Variants in PARD3B observed in about 807,000 individuals in gnomAD.
The protein encoded by PARD3B is partitioning defective 3 homolog B.
In PARD3B, 103 loss-of-function variants were observed where a neutral mutation model predicts 130.2. That is an observed-to-expected ratio of 0.79 (90% CI 0.67 to 0.93). The LOEUF is 0.93. Ranked by LOEUF, PARD3B falls within the 40% of genes least tolerant of loss-of-function variation. The pLI, the probability that PARD3B is intolerant of heterozygous loss-of-function variation, is 0.00. For missense variants in PARD3B, 1,609 were observed against 1,499.2 expected, an observed-to-expected ratio of 1.07 and a Z score of -1.21; for synonymous variants, 583 against 553.2, an observed-to-expected ratio of 1.05 and a Z score of -0.76.
At chr2:205,312,508 T>C (rs2042424920) in intron 18 of PARD3B, among the ~76,000 whole-genome samples, 1 of 151,980 alleles carries the variant, frequency 6.6e-6, no homozygotes, top group Admixed American at 6.5e-5. Context: ...TGGCAAAAAA[T>C]AGAAATTTGC....
intron 15 of PARD3B, among the ~76,000 whole-genome samples, chr2:205,218,065 G>C (rs930739050): frequency 6.6e-6 from 1 of 151,128 alleles, no homozygotes; most frequent in Admixed American, 6.6e-5. Flanking sequence ...GCTAATTTTT[G>C]TATTTTTAAT....
chr2:205,548,768 G>A (rs926073102), intron 21 of PARD3B, among the ~76,000 whole-genome samples: 7 of 152,120 alleles, frequency 4.6e-5, no homozygotes, highest in East Asian at 1.9e-4. Flanking sequence ...AAATTAATAC[G>A]TTGAACTTTA....
chr2:204,923,207 T>G (rs1478857222), intron 2 of PARD3B, among the ~76,000 whole-genome samples: 1 of 152,108 alleles, frequency 6.6e-6, no homozygotes, highest in African/African-American at 2.4e-5. Flanking sequence ...AGTAGCCAGT[T>G]AAGTGAAAAA....
At position 205,181,336 on chromosome 2, in the gene PARD3B, T is replaced by G. The variant is rs1471394617; in HGVS notation, c.1925-4428T>G. Among the ~76,000 whole-genome samples, 3 of 152,234 alleles carry G rather than the reference T, an allele frequency of 2.0e-5. No homozygotes were observed. The East Asian group carries it at 5.8e-4, about 29-fold the overall frequency. ...CTGGAATGACTATCCAAGATTGAATTATACGTTTCAATTTGGCTAATGTTT... is the reference window on the plus strand; with the variant it reads ...CTGGAATGACTATCCAAGATTGAATGATACGTTTCAATTTGGCTAATGTTT... On this transcript the variant is annotated intron_variant, in intron 13 of 22. Transcript: ENST00000406610.
chr2:205,478,555 T>C (rs1310229634), intron 20 of PARD3B, among the ~76,000 whole-genome samples: 1 of 152,182 alleles, frequency 6.6e-6, no homozygotes, highest in East Asian at 1.9e-4. Flanking sequence ...TTTTACCGTA[T>C]GTGGAATGTA....
chr2:205,211,116 A>G (rs1480922843), intron 15 of PARD3B, among the ~76,000 whole-genome samples: 2 of 152,108 alleles, frequency 1.3e-5, no homozygotes, highest in African/African-American at 4.8e-5. Flanking sequence ...GGTCAAGTCA[A>G]TTAATCTTTC....
intron 3 of PARD3B, among the ~76,000 whole-genome samples, chr2:205,000,568 C>T (rs145637042): frequency 0.011 from 1,657 of 152,262 alleles, 25 homozygotes; most frequent in East Asian, 0.048. Flanking sequence ...AATATCCAAA[C>T]GTCTACTCAA....
intron 15 of PARD3B, among the ~76,000 whole-genome samples, chr2:205,208,802 A>G (rs895725078): frequency 9.0e-5 from 13 of 144,978 alleles, no homozygotes; most frequent in Non-Finnish European, 2.0e-4. Context: ...GCCCAGGGTA[A>G]TTTACAGATT....
intron 1 of PARD3B, among the ~76,000 whole-genome samples, chr2:204,608,338 T>G (rs2033802233): frequency 6.6e-6 from 1 of 152,308 alleles, no homozygotes; most frequent in Admixed American, 6.5e-5. Flanking sequence ...CCTCCAAAAC[T>G]TTCACTCTGG....
intron 3 of PARD3B, among the ~76,000 whole-genome samples, chr2:205,034,023 T>C (rs13010287): frequency 0.035 from 5,289 of 152,284 alleles, 154 homozygotes; most frequent in Admixed American, 0.07. Context: ...GTGTTTATTT[T>C]AAAATAAATG....
intron 21 of PARD3B, among the ~76,000 whole-genome samples, chr2:205,531,729 G>A (rs539830132): frequency 1.1e-4 from 16 of 151,898 alleles, no homozygotes; most frequent in South Asian, 2.1e-4. Flanking sequence ...TCATTTTATC[G>A]TCTTCCAAAG....
chr2:204,982,368 C>T (rs554574322), intron 3 of PARD3B, among the ~76,000 whole-genome samples: 1 of 152,180 alleles, frequency 6.6e-6, no homozygotes, highest in Non-Finnish European at 1.5e-5. Flanking sequence ...AACTCACAGA[C>T]GACCAAGTTC....
chr2:205,526,077 C>T (rs567871461), intron 21 of PARD3B, among the ~76,000 whole-genome samples: 19 of 152,214 alleles, frequency 1.2e-4, no homozygotes, highest in African/African-American at 4.6e-4. Flanking sequence ...CTGGAATTCC[C>T]TAAACTACAT....
chr2:204,622,806 A>T (rs2034351681), intron 1 of PARD3B, among the ~76,000 whole-genome samples: 1 of 152,270 alleles, frequency 6.6e-6, no homozygotes. Context: ...TATATTCAAC[A>T]AATTCTGTTG....
intron 2 of PARD3B, among the ~76,000 whole-genome samples, chr2:204,889,513 CA>C (rs1024180108): frequency 2.0e-4 from 30 of 152,292 alleles, no homozygotes; most frequent in African/African-American, 7.0e-4. Flanking sequence ...ATAAACCAAA[CA>C]AAGTAGGGGG....
chr2:205,509,576 A>G (rs150205767), intron 21 of PARD3B, among the ~76,000 whole-genome samples: 1 of 152,276 alleles, frequency 6.6e-6, no homozygotes, highest in Non-Finnish European at 1.5e-5. Context: ...AGTCTCAGCA[A>G]TACTCTGGGG....
intron 2 of PARD3B, among the ~76,000 whole-genome samples, chr2:204,722,825 G>T (rs2039058223): frequency 6.6e-6 from 1 of 152,044 alleles, no homozygotes; most frequent in South Asian, 2.1e-4. Context: ...CAGCTCCCTG[G>T]TTATTTGAAA....
At chr2:205,541,233 A>G (rs1303058143) in intron 21 of PARD3B, among the ~76,000 whole-genome samples, 2 of 151,114 alleles carry the variant, frequency 1.3e-5, no homozygotes, top group Non-Finnish European at 2.9e-5. Context: ...CATAGTTTCC[A>G]TTCTCTTTTG....
chr2:205,504,512 T>C (rs2050275581), intron 21 of PARD3B, among the ~76,000 whole-genome samples: 1 of 152,032 alleles, frequency 6.6e-6, no homozygotes, highest in Non-Finnish European at 1.5e-5. Context: ...AGAGCTAATA[T>C]CCAGAATCTA....
Sources: gnomAD v4.1 joint callset for allele counts (sites outside exome capture counted in the v4.1 genomes callset) on GRCh38, gnomAD v4.1.1 for gene constraint, MANE v1.5 for transcripts, NCBI Gene and HGNC (gene_info 2026-07-23, HGNC 2026-07-21) for gene names.